Variants in RSF1 observed in about 807,000 individuals in gnomAD.
RSF1 encodes remodeling and spacing factor 1.
A neutral mutation model predicts 145.2 loss-of-function variants in RSF1; 13 were observed. The observed-to-expected ratio is 0.09, with a 90% CI of 0.06 to 0.14. The LOEUF is 0.14. Ranked by LOEUF, RSF1 falls within the 10% of genes least tolerant of loss-of-function variation. The probability of loss-of-function intolerance (pLI) is 1.00; values close to 1 mark genes in which losing one functional copy is unlikely to be tolerated. For synonymous variants in RSF1, 577 were observed against 592.6 expected (o/e 0.97, Z 0.38); for missense variants, 1,517 against 1,718.2 (o/e 0.88, Z 2.07).
At position 77,756,727 on chromosome 11, in the gene RSF1, G is replaced by A. The variant is rs191069956; in HGVS notation, c.279+7871C>T. On this transcript the variant is annotated intron_variant, in intron 2 of 15. Coordinates refer to ENST00000308488, the MANE Select transcript of RSF1 (RefSeq NM_016578.4). ...AATGTTAACCTCAGGAGGAAAGTACGGCAAAGTGGGTATGTGCTTTACTTA... is the reference window on the plus strand; with the variant it reads ...AATGTTAACCTCAGGAGGAAAGTACAGCAAAGTGGGTATGTGCTTTACTTA... Among the ~76,000 whole-genome samples, 137 of 152,286 alleles carry A rather than the reference G, an allele frequency of 9.0e-4. 1 individual carries two copies. The highest frequency in any genetic ancestry group is 3.4e-3 in the Middle Eastern group (1 of 294).
At chr11:77,751,962 C>A (rs1440276886) in intron 2 of RSF1, among the ~76,000 whole-genome samples, 2 of 152,166 alleles carry the variant, frequency 1.3e-5, no homozygotes, top group Admixed American at 1.3e-4. Context: ...GAAAGAGATT[C>A]ACTTAACCAG....
Position 77,776,229 on chromosome 11 carries a change from CA to C in RSF1, c.188-11541del, listed in dbSNP as rs376683634. Among the ~76,000 whole-genome samples the C allele has an allele frequency of 5.0e-3, 755 of 152,094 alleles. 9 individuals are homozygous for C. Among genetic ancestry groups the C allele is most frequent in the African/African-American group, 0.017 (710 of 41,500 alleles). Reference sequence around the variant, plus strand: ...CCCTGTATCACTAAAAACAAACAAACAAAAACGGGGAAAAAACCTTCAACAG... The same window carrying C: ...CCCTGTATCACTAAAAACAAACAAACAAAACGGGGAAAAAACCTTCAACAG... On this transcript the variant is annotated intron_variant, in intron 1 of 15. Transcript: ENST00000308488.
intron 1 of RSF1, among the ~76,000 whole-genome samples, chr11:77,783,214 G>A (rs1268289020): frequency 6.6e-6 from 1 of 152,068 alleles, no homozygotes; most frequent in Non-Finnish European, 1.5e-5. Flanking sequence ...CTCATCCTTA[G>A]TACTAGAGCT....
chr11:77,764,772 C>T, intron 1 of RSF1, 83 bp from the exon 2 acceptor site: 1 of 882,886 alleles, frequency 1.1e-6, no homozygotes, highest in Non-Finnish European at 1.8e-6. Flanking sequence ...ATAATCTTCT[C>T]CAACCCTGGA....
chr11:77,704,192 G>T (rs1042381770), intron 5 of RSF1, among the ~76,000 whole-genome samples: 1 of 152,178 alleles, frequency 6.6e-6, no homozygotes, highest in Non-Finnish European at 1.5e-5. Flanking sequence ...CTACTGGGTA[G>T]GCTGAGGTGG....
At chr11:77,753,538 T>C (rs1948085721) in intron 2 of RSF1, among the ~76,000 whole-genome samples, 1 of 152,192 alleles carries the variant, frequency 6.6e-6, no homozygotes, top group Non-Finnish European at 1.5e-5. Flanking sequence ...CGGTTTTAAA[T>C]GAGGCCCAAT....
intron 4 of RSF1, among the ~76,000 whole-genome samples, chr11:77,737,197 C>T (rs1482050906): frequency 6.6e-6 from 1 of 152,084 alleles, no homozygotes; most frequent in African/African-American, 2.4e-5. Context: ...CCTGTAATCC[C>T]AGCACTTTGG....
chr11:77,840,557 C>T, the RSF1 span, among the ~76,000 whole-genome samples: 2,106 of 152,250 alleles, frequency 0.014, 24 homozygotes, highest in South Asian at 0.028. Context: ...TAATGTATTT[C>T]TATTAGAAAA....
chr11:77,841,364 T>TA, the RSF1 span: 1 of 587,738 alleles, frequency 1.7e-6, no homozygotes, highest in Non-Finnish European at 3.1e-6. Flanking sequence ...TCTGTTCTGT[T>TA]AGAGTTTTTT....
intron 2 of RSF1, among the ~76,000 whole-genome samples, chr11:77,748,349 C>T (rs4322421): frequency 0.22 from 32,627 of 151,274 alleles, 3,609 homozygotes; most frequent in Middle Eastern, 0.24. Context: ...CTCAGCCACC[C>T]GAGAAGCTGG....
the RSF1 span, among the ~76,000 whole-genome samples, chr11:77,840,632 A>G: frequency 6.6e-6 from 1 of 152,202 alleles, no homozygotes; most frequent in African/African-American, 2.4e-5. Flanking sequence ...TGGTCTTGAA[A>G]TTCTGGCCTC....
Position 77,667,281 on chromosome 11 carries a change from G to C in RSF1, c.3962C>G (p.Pro1321Arg). The change falls in exon 16 of 16, where the codon CCT (proline) becomes CGT (arginine). Residue 1321 changes from proline (P) to arginine (R), a missense_variant. Transcript: ENST00000308488. ...CDNAHGDANQ[P>R]ARDSQPRVLP... ...GACCCTAGGCTGGCTGTCACGGGCA[G>C]GCTGATTTGCATCTCCATGAGCATT... 6.2e-7 allele frequency: 1 copy of C among 1,614,150 alleles called. No individual in the cohort carries two copies. Among genetic ancestry groups the C allele is most frequent in the Non-Finnish European group, 8.5e-7 (1 of 1,180,022 alleles).
At chr11:77,671,165 A>ATATATATATATATT (rs1445231035) in intron 15 of RSF1, among the ~76,000 whole-genome samples, 1 of 97,328 alleles carries the variant, frequency 1.0e-5, no homozygotes, top group Non-Finnish European at 1.9e-5. Flanking sequence ...ATATATATAT[A>ATATATATATATATT]TATATATATA....
At chr11:77,762,049 T>G (rs1948180832) in intron 2 of RSF1, 1 of 142,346 alleles carries the variant, frequency 7.0e-6, no homozygotes, top group African/African-American at 2.7e-5. Context: ...TTTTTTTTTT[T>G]GTAGAGATGG....
chr11:77,861,814 G>A, the RSF1 span, among the ~76,000 whole-genome samples: 30 of 152,082 alleles, frequency 2.0e-4, no homozygotes, highest in Non-Finnish European at 3.7e-4. Context: ...CATTTGTCCC[G>A]TTCTGCCTGC....
the RSF1 span, among the ~76,000 whole-genome samples, chr11:77,839,727 CTG>C: frequency 6.6e-6 from 1 of 152,072 alleles, no homozygotes; most frequent in Admixed American, 6.6e-5. Context: ...GAACAGAAAA[CTG>C]AACAGCACAT....
rs1959243633 is a variant in RSF1 at position 77,662,067 on chromosome 11, T to C, written c.*4850A>G. 1 of 152,106 alleles carries C rather than the reference T, an allele frequency of 6.6e-6. No homozygotes were observed. Among genetic ancestry groups the C allele is most frequent in the African/African-American group, 2.4e-5 (1 of 41,450 alleles). 9.4% of individuals were successfully genotyped at this position (152,106 alleles called of 1,614,324 possible). On this transcript the variant is annotated 3_prime_UTR_variant, in exon 16 of 16. Coordinates refer to ENST00000308488, the MANE Select transcript of RSF1 (RefSeq NM_016578.4). ...AGTCCTTAGCACACTTTCTAACTTG[T>C]ACCGGTTTGGCCAAAAAAGGAAAAA...
intron 5 of RSF1, among the ~76,000 whole-genome samples, chr11:77,708,412 A>G (rs1015821595): frequency 9.2e-5 from 14 of 152,160 alleles, no homozygotes; most frequent in Admixed American, 9.2e-4. Context: ...TCTGGACAAC[A>G]AAGTGAAACT....
chr11:77,685,089 C>T lies in RSF1; in HGVS notation c.2955+16G>A, dbSNP rs137943878. ...GACAATCTCCCATTTAAAAACATTA[C>T]AAATCAGAAACTTACTTGTGGAGGA... is the stretch of plus-strand genomic sequence containing the variant. On this transcript the variant is annotated intron_variant, in intron 10 of 15. Transcript: ENST00000308488. The T allele has an allele frequency of 2.8e-3, 4,208 of 1,477,356 alleles. 11 individuals are homozygous for T. The highest frequency in any genetic ancestry group is 3.5e-3 in the Non-Finnish European group (3,836 of 1,090,460). 91.5% of individuals were successfully genotyped at this position (1,477,356 alleles called of 1,614,324 possible). A position where few individuals can be genotyped will look rare whatever the true frequency, so the allele number is the denominator to read the frequency against.
Sources: allele counts gnomAD v4.1 joint callset (sites outside exome capture counted in the v4.1 genomes callset), GRCh38; gene constraint gnomAD v4.1.1; transcripts MANE v1.5; gene names NCBI Gene and HGNC (gene_info 2026-07-23, HGNC 2026-07-21).